The following FAF1 variants were observed in gnomAD, a reference collection of about 807,000 sequenced individuals.
The protein encoded by FAF1 is Fas associated factor 1.
FAF1 carries 25 observed loss-of-function variants against 92.5 expected under a neutral mutation model. The observed-to-expected ratio is 0.27, with a 90% CI of 0.20 to 0.38. The LOEUF is 0.38. Among genes scored for constraint, FAF1 ranks in the 10% least tolerant of loss-of-function variants. The pLI is 1.00. For missense variants in FAF1, 636 were observed against 793.3 expected (o/e 0.80, Z 2.38); for synonymous variants, 234 against 273.2 (o/e 0.86, Z 1.42).
rs1414163320 is a variant in FAF1, at chr1:50,438,855, T to C, written c.*2585A>G. 2 of 152,236 alleles carry C rather than the reference T, an allele frequency of 1.3e-5. No individual in the cohort carries two copies. Among genetic ancestry groups the C allele is most frequent in the Non-Finnish European group, 2.9e-5 (2 of 68,044 alleles). The allele number at this position is 152,236 out of a possible 1,614,324, so 9.4% of individuals were successfully genotyped here. Reference sequence around the variant, plus strand: ...CTCATTCATCTTTGATTCTGGATGCTTACAATCCAGAGATGAACATCTGTG... The same window carrying C: ...CTCATTCATCTTTGATTCTGGATGCCTACAATCCAGAGATGAACATCTGTG... On this transcript the variant is annotated 3_prime_UTR_variant, in exon 19 of 19. Coordinates refer to ENST00000396153, the MANE Select transcript of FAF1 (RefSeq NM_007051.3).
chr1:50,648,656 G>A (rs1654705325), intron 8 of FAF1, among the ~76,000 whole-genome samples: 1 of 152,254 alleles, frequency 6.6e-6, no homozygotes, highest in African/African-American at 2.4e-5. Context: ...GCTGGGCGCG[G>A]TGGCTCATGC....
At chr1:50,660,328 TCA>T (rs1244665973) in intron 7 of FAF1, among the ~76,000 whole-genome samples, 1 of 152,190 alleles carries the variant, frequency 6.6e-6, no homozygotes, top group Non-Finnish European at 1.5e-5. Flanking sequence ...GATAACATTC[TCA>T]GTTATAATAA....
intron 7 of FAF1, among the ~76,000 whole-genome samples, chr1:50,697,531 C>T (rs991186951): frequency 3.3e-5 from 5 of 152,128 alleles, no homozygotes; most frequent in African/African-American, 1.2e-4. Context: ...GGAACAGCTG[C>T]ACTTTGGGAG....
At chr1:50,612,632 C>T (rs1179538420) in intron 8 of FAF1, 2 of 261,036 alleles carry the variant, frequency 7.7e-6, no homozygotes, top group Non-Finnish European at 1.2e-5. Context: ...CATCTAATTC[C>T]TTGGCAAAAC....
chr1:50,818,020 A>T (rs1643995247), intron 2 of FAF1, among the ~76,000 whole-genome samples: 1 of 152,212 alleles, frequency 6.6e-6, no homozygotes, highest in African/African-American at 2.4e-5. Context: ...AACAGATCAA[A>T]AATTGCTTGA....
At chr1:50,681,083 G>A (rs1569750556) in intron 7 of FAF1, among the ~76,000 whole-genome samples, 1 of 152,144 alleles carries the variant, frequency 6.6e-6, no homozygotes. Flanking sequence ...GTCTCGCTCT[G>A]TCACTCAGGC....
At chr1:50,591,438 C>T (rs146478813) in intron 9 of FAF1, among the ~76,000 whole-genome samples, 7 of 152,216 alleles carry the variant, frequency 4.6e-5, no homozygotes, top group South Asian at 2.1e-4. Context: ...TTTGGAAGGG[C>T]GTGGCAGGTG....
At chr1:50,889,796 A>T (rs1332790281) in intron 1 of FAF1, among the ~76,000 whole-genome samples, 1 of 152,046 alleles carries the variant, frequency 6.6e-6, no homozygotes, top group Non-Finnish European at 1.5e-5. Flanking sequence ...TATGTGGTCA[A>T]TTTTGGAATA....
intron 4 of FAF1, among the ~76,000 whole-genome samples, chr1:50,786,495 G>C (rs1184729023): frequency 1.3e-5 from 2 of 152,188 alleles, no homozygotes; most frequent in Admixed American, 6.5e-5. Flanking sequence ...CAGAGTTTCA[G>C]TTATGTAAGA....
intron 13 of FAF1, among the ~76,000 whole-genome samples, chr1:50,551,461 T>C (rs539044862): frequency 6.6e-6 from 1 of 152,302 alleles, no homozygotes; most frequent in African/African-American, 2.4e-5. Context: ...TCTGTGTCCC[T>C]AAAAACATGT....
intron 3 of FAF1, among the ~76,000 whole-genome samples, chr1:50,799,092 G>A (rs1373512584): frequency 6.6e-6 from 1 of 152,160 alleles, no homozygotes; most frequent in Non-Finnish European, 1.5e-5. Context: ...AATTATAGGC[G>A]TGAGCTACCA....
At chr1:50,917,981 C>T (rs1570138519) in intron 1 of FAF1, among the ~76,000 whole-genome samples, 1 of 152,044 alleles carries the variant, frequency 6.6e-6, no homozygotes, top group South Asian at 2.1e-4. Flanking sequence ...AGAAATCAGA[C>T]CTATGGTTTC....
chr1:50,496,604 C>G (rs548890765), intron 15 of FAF1, among the ~76,000 whole-genome samples: 61 of 152,234 alleles, frequency 4.0e-4, no homozygotes, highest in Non-Finnish European at 6.3e-4. Flanking sequence ...TAAAAGTTAT[C>G]TCTGGGGACC....
intron 1 of FAF1, among the ~76,000 whole-genome samples, chr1:50,896,283 T>TA (rs1022287318): frequency 6.6e-5 from 10 of 150,592 alleles, no homozygotes; most frequent in Admixed American, 2.0e-4. Flanking sequence ...AGACCCTGTC[T>TA]AAAAAAAAAG....
rs954290104 is a variant in FAF1, at chr1:50,494,032, TACTC to T, written c.1495-2235_1495-2232del. Among the ~76,000 whole-genome samples the T allele has an allele frequency of 1.8e-4, 27 of 152,372 alleles. No homozygotes were observed. In the East Asian group the frequency reaches 4.0e-3, roughly 23 times the overall value. On this transcript the variant is annotated intron_variant, in intron 15 of 18. Transcript: ENST00000396153. The stretch of plus-strand genomic sequence containing the variant: ...GGCACCTGTTGTGTGTTCTTTCCCT[TACTC>T]ACAGCTCTCTCTGACCATCCTGACA...
Position 50,632,293 on chromosome 1 carries a change from TC to T in FAF1, c.744+23148del, listed in dbSNP as rs369394861. On this transcript the variant is annotated intron_variant, in intron 8 of 18. Coordinates refer to ENST00000396153, the MANE Select transcript of FAF1 (RefSeq NM_007051.3). Reference sequence around the variant, plus strand: ...GAATTTTATGAGAGTTTAGCTTACATCTATTCTAAATAAGACTGAAAGGTTA... The same window carrying T: ...GAATTTTATGAGAGTTTAGCTTACATTATTCTAAATAAGACTGAAAGGTTA... Among the ~76,000 whole-genome samples the T allele has an allele frequency of 1.8e-4, 28 of 152,362 alleles. No homozygotes were observed. The South Asian group carries it at 4.6e-3, about 25-fold the overall frequency.
intron 4 of FAF1, 57 bp downstream of exon 4, chr1:50,787,943 C>A (rs1661421796): frequency 4.8e-6 from 7 of 1,467,454 alleles, no homozygotes; most frequent in African/African-American, 4.2e-5. Context: ...AAAAATATAA[C>A]CTGAATGTTT....
chr1:50,585,812 G>A (rs1233602342), intron 9 of FAF1, among the ~76,000 whole-genome samples: 4 of 143,494 alleles, frequency 2.8e-5, no homozygotes, highest in Non-Finnish European at 6.0e-5. Flanking sequence ...TGCCAGAAAA[G>A]CATTAATAGA....
At chr1:50,878,840 G>C (rs1186268528) in intron 1 of FAF1, among the ~76,000 whole-genome samples, 1 of 152,164 alleles carries the variant, frequency 6.6e-6, no homozygotes, top group Non-Finnish European at 1.5e-5. Flanking sequence ...ATGAGATTAA[G>C]CAATGAGCCC....
Sources: gnomAD v4.1 joint callset for allele counts (sites outside exome capture counted in the v4.1 genomes callset) on GRCh38, gnomAD v4.1.1 for gene constraint, MANE v1.5 for transcripts, NCBI Gene and HGNC (gene_info 2026-07-23, HGNC 2026-07-21) for gene names.